The following EYS variants were observed in gnomAD, a reference collection of about 807,000 sequenced individuals.
EYS encodes the protein EGF-like photoreceptor maintenance factor.
EYS carries 250 observed loss-of-function variants against 282.1 expected under a neutral mutation model. The ratio of observed to expected loss-of-function variants is 0.89; its 90% CI spans 0.80 to 0.98. The LOEUF is 0.98. EYS is among the 50% of genes least tolerant of loss of function. EYS has a pLI of 0.00. For synonymous variants in EYS, 1,355 were observed against 1,282.9 expected (o/e 1.06, Z -1.20); for missense variants, 4,016 against 3,709.0 (o/e 1.08, Z -2.15).
At chr6:64,200,260 G>A (rs914566147) in intron 31 of EYS, among the ~76,000 whole-genome samples, 10 of 152,200 alleles carry the variant, frequency 6.6e-5, no homozygotes, top group Admixed American at 1.3e-4. Context: ...TGGTGGACAC[G>A]TGACATGATA....
chr6:64,212,150 A>C (rs1765800160), intron 31 of EYS, among the ~76,000 whole-genome samples: 1 of 151,930 alleles, frequency 6.6e-6, no homozygotes, highest in South Asian at 2.1e-4. Context: ...TAAAAAATAT[A>C]GCTTAAGAGA....
chr6:65,472,525 C>T (rs2127242608), intron 5 of EYS, among the ~76,000 whole-genome samples: 1 of 152,064 alleles, frequency 6.6e-6, no homozygotes, highest in Non-Finnish European at 1.5e-5. Context: ...CTTGAATTTC[C>T]TGAACAACTC....
intron 5 of EYS, among the ~76,000 whole-genome samples, chr6:65,439,725 C>T (rs1157879934): frequency 6.6e-6 from 1 of 152,082 alleles, no homozygotes; most frequent in Non-Finnish European, 1.5e-5. Context: ...GCTGAAGTTG[C>T]TTATCAGGTT....
chr6:65,287,862 C>T (rs1466538349), intron 12 of EYS, among the ~76,000 whole-genome samples: 1 of 151,108 alleles, frequency 6.6e-6, no homozygotes, highest in African/African-American at 2.4e-5. Context: ...CTCCCATAAC[C>T]TTTTCTTTTA....
chr6:65,088,137 GT>G (rs1179279834), intron 12 of EYS, among the ~76,000 whole-genome samples: 1 of 152,096 alleles, frequency 6.6e-6, no homozygotes, highest in African/African-American at 2.4e-5. Flanking sequence ...TCTTTCCTTT[GT>G]AAATTACCCA....
chr6:65,220,248 T>C lies in EYS; in HGVS notation c.2023+75615A>G, dbSNP rs139061624. Among the ~76,000 whole-genome samples the C allele has an allele frequency of 3.3e-5, 5 of 152,114 alleles. No homozygotes were observed. The East Asian group carries it at 9.7e-4, about 29-fold the overall frequency. ...ATCACCAAATCCAGAAAAAGAAATA[T>C]TGGAAAAAAAAATTCACTCTTCATT... On this transcript the variant is annotated intron_variant, in intron 12 of 42. Coordinates refer to ENST00000503581, the MANE Select transcript of EYS (RefSeq NM_001142800.2).
chr6:63,726,236 A>C (rs1561996646), intron 42 of EYS, among the ~76,000 whole-genome samples: 1 of 152,178 alleles, frequency 6.6e-6, no homozygotes, highest in African/African-American at 2.4e-5. Context: ...CCTTTGACAT[A>C]GTACTATCGT....
At chr6:65,622,572 T>C (rs1007741008) in intron 2 of EYS, among the ~76,000 whole-genome samples, 3 of 152,084 alleles carry the variant, frequency 2.0e-5, no homozygotes, top group African/African-American at 7.2e-5. Context: ...ATGGTGGTGT[T>C]AAAATTATTT....
intron 13 of EYS, among the ~76,000 whole-genome samples, chr6:65,032,997 A>T (rs978914597): frequency 4.6e-5 from 7 of 152,226 alleles, no homozygotes; most frequent in African/African-American, 1.4e-4. Flanking sequence ...GAACTGAAGC[A>T]AAGGTCACAT....
At chr6:65,693,404 CTTTTTTTTTT>C (rs66464915) in intron 1 of EYS, among the ~76,000 whole-genome samples, 1 of 125,286 alleles carries the variant, frequency 8.0e-6, no homozygotes, top group Non-Finnish European at 1.7e-5. Flanking sequence ...TTTTTCCTTT[CTTTTTTTTTT>C]TTTTTTTTTT....
intron 36 of EYS, among the ~76,000 whole-genome samples, chr6:63,849,707 C>G (rs758699230): frequency 2.6e-5 from 4 of 152,186 alleles, no homozygotes; most frequent in African/African-American, 9.6e-5. Context: ...GATAAACCCA[C>G]AAAGATGAGG....
At position 64,962,312 on chromosome 6, in the gene EYS, A is replaced by G. The variant is rs368545682; in HGVS notation, c.2260-16398T>C. Among the ~76,000 whole-genome samples the G allele has an allele frequency of 3.9e-3, 589 of 151,556 alleles. 5 individuals are homozygous for G. Among genetic ancestry groups the G allele is most frequent in the African/African-American group, 0.013 (556 of 41,502 alleles). On this transcript the variant is annotated intron_variant, in intron 14 of 42. Transcript: ENST00000503581. ...ATTTTATTTTAAACTTTATTTATCTAGTTGTGTTAAATAAAAATAAACTGT... is the reference window on the plus strand; with the variant it reads ...ATTTTATTTTAAACTTTATTTATCTGGTTGTGTTAAATAAAAATAAACTGT...
chr6:64,586,831 T>A (rs933530242), intron 26 of EYS, among the ~76,000 whole-genome samples: 3 of 152,108 alleles, frequency 2.0e-5, no homozygotes, highest in African/African-American at 7.2e-5. Flanking sequence ...TATCCATTGC[T>A]ATTTGAGAAT....
chr6:64,668,783 G>A (rs1172668685), intron 22 of EYS, among the ~76,000 whole-genome samples: 1 of 151,654 alleles, frequency 6.6e-6, no homozygotes, highest in East Asian at 1.9e-4. Context: ...TGGCCAGGAT[G>A]GTCTCAATCT....
chr6:65,390,968 A>C (rs1766007669), intron 7 of EYS, among the ~76,000 whole-genome samples: 1 of 152,158 alleles, frequency 6.6e-6, no homozygotes, highest in Non-Finnish European at 1.5e-5. Flanking sequence ...CAGAGGGCAC[A>C]GTGGAAGAAT....
At chr6:65,414,960 A>T (rs914180446) in intron 5 of EYS, among the ~76,000 whole-genome samples, 9 of 152,136 alleles carry the variant, frequency 5.9e-5, no homozygotes, top group Admixed American at 3.9e-4. Flanking sequence ...ATGGGAAGGT[A>T]CCTGAAAAGT....
At chr6:63,896,726 C>A (rs1292517742) in intron 35 of EYS, among the ~76,000 whole-genome samples, 1 of 152,228 alleles carries the variant, frequency 6.6e-6, no homozygotes. Flanking sequence ...TTCCTCCCTG[C>A]TCTCCTCTGG....
intron 26 of EYS, among the ~76,000 whole-genome samples, chr6:64,439,559 A>C (rs940446168): frequency 6.6e-6 from 1 of 151,730 alleles, no homozygotes; most frequent in African/African-American, 2.4e-5. Context: ...ATAAAATCTC[A>C]TTGTAAGGCA....
chr6:64,237,299 C>G (rs1226123553), intron 30 of EYS, among the ~76,000 whole-genome samples: 1 of 152,184 alleles, frequency 6.6e-6, no homozygotes, highest in Non-Finnish European at 1.5e-5. Flanking sequence ...ACAGGGCAGA[C>G]CAACTGAGTA....
Sources: allele counts gnomAD v4.1 joint callset (sites outside exome capture counted in the v4.1 genomes callset), GRCh38; gene constraint gnomAD v4.1.1; transcripts MANE v1.5; gene names NCBI Gene and HGNC (gene_info 2026-07-23, HGNC 2026-07-21).